PRKD1: variants seen among roughly 807,000 people sequenced by gnomAD.
The protein encoded by PRKD1 is protein kinase D1.
A neutral mutation model predicts 95.9 loss-of-function variants in PRKD1; 63 were observed. The ratio of observed to expected loss-of-function variants is 0.66; its 90% CI spans 0.54 to 0.81. The LOEUF (loss-of-function observed/expected upper bound fraction) is 0.81, where lower values mean the gene tolerates loss of function less well. Among genes scored for constraint, PRKD1 ranks in the 30% least tolerant of loss-of-function variants. The pLI, the probability that PRKD1 is intolerant of heterozygous loss-of-function variation, is 0.00. For missense variants in PRKD1, 1,048 were observed against 1,165.3 expected (o/e 0.90, Z 1.47); for synonymous variants, 425 against 423.1 (o/e 1.00, Z -0.05).
At chr14:29,850,164 C>T (rs1210978080) in intron 1 of PRKD1, among the ~76,000 whole-genome samples, 2 of 152,066 alleles carry the variant, frequency 1.3e-5, no homozygotes, top group Non-Finnish European at 2.9e-5. Flanking sequence ...ACATTCTTAC[C>T]ACTCTTATTC....
intron 1 of PRKD1, among the ~76,000 whole-genome samples, chr14:29,732,325 C>A (rs544338297): frequency 7.2e-4 from 109 of 151,240 alleles, no homozygotes; most frequent in Admixed American, 1.4e-3. Flanking sequence ...TTTGTTGATA[C>A]TTCTTTTTAT....
chr14:29,869,055 CT>C (rs1419705096), intron 1 of PRKD1, among the ~76,000 whole-genome samples: 2 of 152,134 alleles, frequency 1.3e-5, no homozygotes, highest in African/African-American at 4.8e-5. Flanking sequence ...ATCCTAAATT[CT>C]AGAATCCTAC....
intron 16 of PRKD1, among the ~76,000 whole-genome samples, chr14:29,594,320 C>G (rs1893226877): frequency 6.6e-6 from 1 of 152,132 alleles, no homozygotes; most frequent in Non-Finnish European, 1.5e-5. Context: ...CCAAAGAACA[C>G]TAAGGAATCC....
intron 2 of PRKD1, among the ~76,000 whole-genome samples, chr14:29,683,661 T>A (rs1351955781): frequency 6.6e-6 from 1 of 152,086 alleles, no homozygotes; most frequent in African/African-American, 2.4e-5. Context: ...AAAAATACTA[T>A]CAAATATGGA....
intron 1 of PRKD1, among the ~76,000 whole-genome samples, chr14:29,753,360 C>A (rs1887563918): frequency 6.6e-6 from 1 of 152,000 alleles, no homozygotes; most frequent in African/African-American, 2.4e-5. Flanking sequence ...TTTTGGTGCC[C>A]CAGTCCTTGG....
chr14:29,874,118 A>C (rs1266274218), intron 1 of PRKD1, among the ~76,000 whole-genome samples: 2 of 152,220 alleles, frequency 1.3e-5, no homozygotes, highest in Non-Finnish European at 2.9e-5. Flanking sequence ...TATCCTGAAT[A>C]ATCAGAGTTT....
chr14:29,843,317 C>T (rs12323407), intron 1 of PRKD1, among the ~76,000 whole-genome samples: 2,137 of 152,232 alleles, frequency 0.014, 50 homozygotes, highest in African/African-American at 0.049. Context: ...TACTTCTAGG[C>T]TCCAGGAGCA....
chr14:29,590,697 T>C (rs1543499), intron 16 of PRKD1, among the ~76,000 whole-genome samples: 112,655 of 152,168 alleles, frequency 0.74, 42,049 homozygotes, highest in Non-Finnish European at 0.77. Context: ...TAACCCATAT[T>C]TCCTATAGCC....
At chr14:29,592,435 T>C (rs368130856) in intron 16 of PRKD1, among the ~76,000 whole-genome samples, 1 of 152,216 alleles carries the variant, frequency 6.6e-6, no homozygotes, top group East Asian at 1.9e-4. Context: ...CTGTTACATA[T>C]TGCTTATAAT....
intron 1 of PRKD1, among the ~76,000 whole-genome samples, chr14:29,789,873 T>C (rs1490882584): frequency 2.0e-5 from 3 of 152,072 alleles, no homozygotes; most frequent in Non-Finnish European, 4.4e-5. Flanking sequence ...GTCTTCAGGC[T>C]CCCTGATAGT....
chr14:29,690,804 A>G (rs993574393), intron 2 of PRKD1, among the ~76,000 whole-genome samples: 8 of 152,148 alleles, frequency 5.3e-5, no homozygotes, highest in Admixed American at 4.6e-4. Context: ...TGGCATTTCA[A>G]TATCTCAGAA....
intron 1 of PRKD1, among the ~76,000 whole-genome samples, chr14:29,866,098 A>T (rs567649141): frequency 3.9e-5 from 6 of 152,302 alleles, no homozygotes; most frequent in Non-Finnish European, 8.8e-5. Context: ...TTTATTACAG[A>T]TAAATCATTC....
intron 16 of PRKD1, among the ~76,000 whole-genome samples, chr14:29,593,875 T>C (rs945422686): frequency 2.6e-5 from 4 of 152,202 alleles, no homozygotes; most frequent in Non-Finnish European, 5.9e-5. Flanking sequence ...GCTTACTAAA[T>C]CATCTTAGCA....
intron 1 of PRKD1, among the ~76,000 whole-genome samples, chr14:29,731,764 A>G (rs1027394235): frequency 6.6e-6 from 1 of 152,060 alleles, no homozygotes; most frequent in African/African-American, 2.4e-5. Context: ...TAATGTTTCC[A>G]TGGTACTATG....
chr14:29,637,539 C>T (rs937459255), intron 6 of PRKD1, among the ~76,000 whole-genome samples: 2 of 152,212 alleles, frequency 1.3e-5, no homozygotes, highest in Middle Eastern at 3.4e-3. Context: ...TCTGTATCCC[C>T]TTAGTTATAG....
At chr14:29,892,133 A>T (rs1893958100) in intron 1 of PRKD1, among the ~76,000 whole-genome samples, 1 of 152,174 alleles carries the variant, frequency 6.6e-6, no homozygotes, top group Non-Finnish European at 1.5e-5. Context: ...CACACTTTCC[A>T]AATGTTTTTC....
intron 16 of PRKD1, among the ~76,000 whole-genome samples, chr14:29,590,569 T>A (rs1893091640): frequency 6.6e-6 from 1 of 152,200 alleles, no homozygotes; most frequent in African/African-American, 2.4e-5. Context: ...TCGTTATGCA[T>A]ATTCTTTTGC....
rs147308040 is a variant in PRKD1, at chr14:29,676,177, G to GTTTTTTTTT, written c.404-9970_404-9969insAAAAAAAAA. On this transcript the variant is annotated intron_variant, in intron 2 of 17. Transcript: ENST00000331968. ...GCTGTAGGCATGCATAGTTCATTAC[G>GTTTTTTTTT]TTTTTGTTTTTTTTTTTTTTTTTTT... Among the ~76,000 whole-genome samples, 40 of 104,736 alleles carry GTTTTTTTTT rather than the reference G, an allele frequency of 3.8e-4. 1 individual carries two copies. The highest frequency in any genetic ancestry group is 1.4e-3 in the African/African-American group (34 of 23,870). 68.7% of individuals were successfully genotyped at this position (104,736 alleles called of 152,430 possible).
intron 1 of PRKD1, among the ~76,000 whole-genome samples, chr14:29,897,772 A>C (rs909064666): frequency 3.9e-5 from 6 of 152,134 alleles, no homozygotes; most frequent in Non-Finnish European, 8.8e-5. Context: ...GCTTCCATAC[A>C]ATCTCATAGT....
Sources: allele counts gnomAD v4.1 joint callset (sites outside exome capture counted in the v4.1 genomes callset), GRCh38; gene constraint gnomAD v4.1.1; transcripts MANE v1.5; gene names NCBI Gene and HGNC (gene_info 2026-07-23, HGNC 2026-07-21).